The following PAK5 variants were observed in gnomAD, a reference collection of about 807,000 sequenced individuals.
PAK5 encodes serine/threonine-protein kinase PAK 5.
A neutral mutation model predicts 65.9 loss-of-function variants in PAK5; 16 were observed. The ratio of observed to expected loss-of-function variants is 0.24; its 90% confidence interval spans 0.16 to 0.37. The LOEUF (loss-of-function observed/expected upper bound fraction) is 0.37. Among genes scored for constraint, PAK5 ranks in the 10% least tolerant of loss-of-function variants. PAK5 has a pLI of 1.00. For missense variants in PAK5, 785 were observed against 903.9 expected, an observed-to-expected ratio of 0.87 and a Z score of 1.69; for synonymous variants, 371 against 354.9, an observed-to-expected ratio of 1.05 and a Z score of -0.51.
chr20:9,740,975 C>A (rs374994512), intron 1 of PAK5, among the ~76,000 whole-genome samples: 4 of 152,334 alleles, frequency 2.6e-5, no homozygotes, highest in African/African-American at 9.6e-5. Flanking sequence ...TGAACCAACA[C>A]AAAGTCTTGG....
At chr20:9,664,888 A>G (rs2047392907) in intron 2 of PAK5, among the ~76,000 whole-genome samples, 1 of 152,040 alleles carries the variant, frequency 6.6e-6, no homozygotes. Flanking sequence ...CCCTCAAAAA[A>G]TGGGTATGGC....
intron 1 of PAK5, among the ~76,000 whole-genome samples, chr20:9,802,388 T>C (rs888349908): frequency 6.6e-6 from 1 of 151,996 alleles, no homozygotes; most frequent in Non-Finnish European, 1.5e-5. Flanking sequence ...ATATGAACAA[T>C]GATAAACGCA....
chr20:9,555,243 C>A (rs1017268017), intron 7 of PAK5, among the ~76,000 whole-genome samples: 2 of 152,154 alleles, frequency 1.3e-5, no homozygotes, highest in Admixed American at 1.3e-4. Context: ...AAAGCATCTA[C>A]AATGTGTCTA....
chr20:9,563,438 A>C (rs888989487), intron 5 of PAK5, among the ~76,000 whole-genome samples: 3 of 152,234 alleles, frequency 2.0e-5, no homozygotes, highest in Non-Finnish European at 4.4e-5. Flanking sequence ...TGAGGGAATG[A>C]GTCCCACAAG....
chr20:9,646,139 T>C (rs965166546), intron 2 of PAK5, among the ~76,000 whole-genome samples: 1 of 152,240 alleles, frequency 6.6e-6, no homozygotes, highest in African/African-American at 2.4e-5. Flanking sequence ...TGGAGCTCCA[T>C]GTTCTCTCAC....
At chr20:9,579,629 G>A (rs2045943575) in intron 4 of PAK5, among the ~76,000 whole-genome samples, 1 of 152,184 alleles carries the variant, frequency 6.6e-6, no homozygotes, top group South Asian at 2.1e-4. Context: ...AAATATAGTA[G>A]AAAGTACATA....
chr20:9,748,342 A>G (rs2048533084), intron 1 of PAK5, among the ~76,000 whole-genome samples: 2 of 152,172 alleles, frequency 1.3e-5, no homozygotes, highest in African/African-American at 4.8e-5. Context: ...AACTACTTTA[A>G]AGTTCATATG....
At chr20:9,692,208 C>T (rs929935830) in intron 2 of PAK5, among the ~76,000 whole-genome samples, 10 of 152,194 alleles carry the variant, frequency 6.6e-5, no homozygotes, top group African/African-American at 1.9e-4. Flanking sequence ...CCTGTTTCAT[C>T]AGTATCGCTT....
At position 9,561,021 on chromosome 20, in the gene PAK5, G is replaced by A. The variant is rs1038162371; in HGVS notation, c.1616+1870C>T. Reference sequence around the variant, plus strand: ...CAAGGGGTTAGATGTTTTATCAACCGATCAATAAATCATTCAGTAAAGCAG... The same window carrying A: ...CAAGGGGTTAGATGTTTTATCAACCAATCAATAAATCATTCAGTAAAGCAG... On this transcript the variant is annotated intron_variant, in intron 6 of 9. Coordinates refer to ENST00000353224, the MANE Select transcript of PAK5 (RefSeq NM_177990.4). Among the ~76,000 whole-genome samples, 11 of 152,116 alleles carry A rather than the reference G, an allele frequency of 7.2e-5. No homozygotes were observed. In the South Asian group the frequency reaches 1.2e-3, roughly 17 times the overall value.
At chr20:9,831,274 C>G (rs1380249563) in intron 1 of PAK5, among the ~76,000 whole-genome samples, 1 of 152,226 alleles carries the variant, frequency 6.6e-6, no homozygotes, top group East Asian at 1.9e-4. Flanking sequence ...CCTGGCAATT[C>G]TTTTAGCTAC....
chr20:9,584,200 T>G (rs967211376), intron 3 of PAK5, among the ~76,000 whole-genome samples: 1 of 152,250 alleles, frequency 6.6e-6, no homozygotes, highest in Non-Finnish European at 1.5e-5. Context: ...TGAGCAGCCT[T>G]GGCAGAGGAA....
chr20:9,682,838 G>A (rs962119206), intron 2 of PAK5, among the ~76,000 whole-genome samples: 1 of 152,136 alleles, frequency 6.6e-6, no homozygotes, highest in Non-Finnish European at 1.5e-5. Context: ...TCATCCATTG[G>A]AATGACAACA....
chr20:9,544,686 G>A (rs1008095055), intron 7 of PAK5, among the ~76,000 whole-genome samples, 192 bp from the exon 8 acceptor site: 6 of 151,964 alleles, frequency 3.9e-5, no homozygotes, highest in Admixed American at 1.3e-4. Flanking sequence ...AACTTCTCCC[G>A]GGCCCACCAG....
intron 1 of PAK5, among the ~76,000 whole-genome samples, chr20:9,787,147 T>C (rs2049001003): frequency 6.6e-6 from 1 of 152,198 alleles, no homozygotes; most frequent in African/African-American, 2.4e-5. Context: ...ACTCTTACCA[T>C]GAGCATGAAG....
intron 3 of PAK5, among the ~76,000 whole-genome samples, chr20:9,617,213 G>A (rs1246570085): frequency 6.6e-6 from 1 of 152,192 alleles, no homozygotes. Context: ...TCTGATGTGT[G>A]AGCTGTACGA....
At chr20:9,781,274 C>A (rs558293164) in intron 1 of PAK5, among the ~76,000 whole-genome samples, 112 of 152,096 alleles carry the variant, frequency 7.4e-4, no homozygotes, top group African/African-American at 2.7e-3. Flanking sequence ...TAGGATGGAC[C>A]ATTTGTCTAA....
chr20:9,769,690 A>T (rs2048811912), intron 1 of PAK5, among the ~76,000 whole-genome samples: 1 of 152,332 alleles, frequency 6.6e-6, no homozygotes, highest in African/African-American at 2.4e-5. Flanking sequence ...GCTAGAGAGC[A>T]CATCTAAGGT....
At chr20:9,686,910 G>A (rs2047726680) in intron 2 of PAK5, among the ~76,000 whole-genome samples, 1 of 152,246 alleles carries the variant, frequency 6.6e-6, no homozygotes, top group South Asian at 2.1e-4. Flanking sequence ...ATGTGAAAGA[G>A]AAGAAAGCTA....
intron 1 of PAK5, among the ~76,000 whole-genome samples, chr20:9,759,539 C>T (rs1296027523): frequency 1.3e-5 from 2 of 152,128 alleles, no homozygotes; most frequent in African/African-American, 4.8e-5. Context: ...GATTCAGAGT[C>T]AGTAGGTGAG....
Sources: gnomAD v4.1 joint callset for allele counts (sites outside exome capture counted in the v4.1 genomes callset) on GRCh38, gnomAD v4.1.1 for gene constraint, MANE v1.5 for transcripts, NCBI Gene and HGNC (gene_info 2026-07-23, HGNC 2026-07-21) for gene names.